CAND1: variants seen among roughly 807,000 people sequenced by gnomAD.
CAND1 encodes the protein cullin-associated NEDD8-dissociated protein 1.
In CAND1, 7 loss-of-function variants were observed where a neutral mutation model predicts 108.5. That is an observed-to-expected ratio of 0.06 (90% confidence interval 0.04 to 0.12). The LOEUF (loss-of-function observed/expected upper bound fraction) is 0.12. Ranked by LOEUF, CAND1 falls within the 10% of genes least tolerant of loss-of-function variation. The pLI is 1.00. For synonymous variants in CAND1, 534 were observed against 512.0 expected (o/e 1.04, Z -0.58); for missense variants, 941 against 1,448.7 (o/e 0.65, Z 5.69).
chr12:67,311,808 A>G lies in CAND1; in HGVS notation c.3468+8A>G. 1.3e-6 allele frequency: 2 copies of G among 1,531,268 alleles called. No individual in the cohort carries two copies. The allele number at this position is 1,531,268 out of a possible 1,614,324, so 94.9% of individuals were successfully genotyped here. On this transcript the variant is annotated splice_region_variant and intron_variant, in intron 14 of 14. Transcript: ENST00000545606. ...GCAACATGTACAACTAAGGTAAGAAATGATAAGTATCAACCTAGGTCAGAC... is the reference window on the plus strand; with the variant it reads ...GCAACATGTACAACTAAGGTAAGAAGTGATAAGTATCAACCTAGGTCAGAC...
intron 1 of CAND1, among the ~76,000 whole-genome samples, chr12:67,277,673 A>C (rs905681568): frequency 1.3e-5 from 2 of 152,214 alleles, no homozygotes; most frequent in African/African-American, 4.8e-5. Flanking sequence ...GGATTACTCA[A>C]AATTTTCACC....
rs17854617 is a variant in CAND1 at position 67,306,344 on chromosome 12, G to A, written c.2676G>A (p.Leu892=). The A allele has an allele frequency of 3.1e-3, 5,026 of 1,614,108 alleles. 114 individuals carry two copies. In the African/African-American group the frequency reaches 0.055, roughly 18 times the overall value. ...GTGTGGGCAACCTTCCTGAATATCT[G>A]CCGTTTGTCCTGCAAGAAATAACTA... ...SISVGNLPEY[L]PFVLQEITSQ... The change falls in exon 10 of 15, where the codon CTG becomes CTA. Residue 892 remains leucine (L), a synonymous_variant. Coordinates refer to ENST00000545606, the MANE Select transcript of CAND1 (RefSeq NM_018448.5).
intron 1 of CAND1, 43 bp downstream of exon 1, chr12:67,269,828 C>G (rs560619958): frequency 1.3e-6 from 2 of 1,550,100 alleles, no homozygotes; most frequent in East Asian, 2.4e-5. Flanking sequence ...GGGGTTCTCG[C>G]AGCCGCGGCC....
At chr12:67,289,287 C>A (rs2044700634) in intron 2 of CAND1, among the ~76,000 whole-genome samples, 1 of 152,088 alleles carries the variant, frequency 6.6e-6, no homozygotes, top group Non-Finnish European at 1.5e-5. Flanking sequence ...GGCGCCATCT[C>A]AGCTAACCAC....
intron 11 of CAND1, among the ~76,000 whole-genome samples, chr12:67,308,705 A>G (rs750297044): frequency 2.0e-5 from 3 of 152,050 alleles, no homozygotes; most frequent in Non-Finnish European, 2.9e-5. Flanking sequence ...GAAAGCGGAT[A>G]TATACTCTAT....
In CAND1 at chr12:67,307,428, G is replaced by A. The variant is rs145306554; in HGVS notation, c.2961G>A (p.Thr987=). 5.0e-6 allele frequency: 8 copies of A among 1,611,044 alleles called. No homozygotes were observed. The highest frequency in any genetic ancestry group is 3.3e-5 in the Admixed American group (2 of 59,820). The change falls in exon 11 of 15, where the codon ACG becomes ACA. Residue 987 remains threonine (T), a synonymous_variant. Coordinates refer to ENST00000545606, the MANE Select transcript of CAND1 (RefSeq NM_018448.5). The stretch of plus-strand genomic sequence containing the variant: ...CATATGCCCGAAGCTCAGTGGTTAC[G>A]GCTGTGAAATTTACAATTTCTGACC... The part of the protein sequence containing the change: ...GSSYARSSVV[T]AVKFTISDHP...
chr12:67,272,267 G>A (rs1269466231), intron 1 of CAND1, among the ~76,000 whole-genome samples: 2 of 152,190 alleles, frequency 1.3e-5, no homozygotes, highest in African/African-American at 4.8e-5. Context: ...ATTTGACCTA[G>A]TCACAAGATC....
At chr12:67,272,675 T>TTTG (rs1050649018) in intron 1 of CAND1, among the ~76,000 whole-genome samples, 1 of 151,976 alleles carries the variant, frequency 6.6e-6, no homozygotes, top group East Asian at 1.9e-4. Context: ...ATGCAGGGTT[T>TTTG]TTGTTGTTGT....
At position 67,315,654 on chromosome 12, in the gene CAND1, A is replaced by G. The variant is rs1226693173; in HGVS notation, c.*2824A>G. The G allele has an allele frequency of 3.3e-5, 5 of 150,228 alleles. No individual in the cohort carries two copies. The allele number at this position is 150,228 out of a possible 1,614,324, so 9.3% of individuals were successfully genotyped here. A position where few individuals can be genotyped will look rare whatever the true frequency, so the allele number is the denominator to read the frequency against. ...TATGATGATTTCATCAAATGTTTGA[A>G]TATTTACATAATTTTTATGTAACCA... On this transcript the variant is annotated 3_prime_UTR_variant, in exon 15 of 15. Transcript: ENST00000545606.
intron 10 of CAND1, among the ~76,000 whole-genome samples, 177 bp downstream of exon 10, chr12:67,306,774 T>G (rs1354099005): frequency 6.6e-6 from 1 of 152,154 alleles, no homozygotes; most frequent in Non-Finnish European, 1.5e-5. Flanking sequence ...CATTTTGTTG[T>G]TTTAAAGGAT....
chr12:67,306,767 TTTG>T (rs2044890853), intron 10 of CAND1, among the ~76,000 whole-genome samples, 170 bp downstream of exon 10: 1 of 152,122 alleles, frequency 6.6e-6, no homozygotes, highest in Admixed American at 6.6e-5. Context: ...CAAATGACAT[TTTG>T]TTGTTTTAAA....
intron 2 of CAND1, among the ~76,000 whole-genome samples, chr12:67,284,012 A>G (rs2044644801): frequency 6.6e-6 from 1 of 152,216 alleles, no homozygotes; most frequent in African/African-American, 2.4e-5. Flanking sequence ...TAGATTATTA[A>G]GCAGCCATAT....
chr12:67,311,186 G>A (rs1443062732), intron 13 of CAND1: 1 of 151,726 alleles, frequency 6.6e-6, no homozygotes, highest in Non-Finnish European at 1.5e-5. Context: ...AGAAGTAAAA[G>A]GATGTGCTTG....
In CAND1 at chr12:67,317,169, ACT is replaced by A. The variant is rs2045014833; in HGVS notation, c.*4342_*4343del. 1 of 152,156 alleles carries A rather than the reference ACT, an allele frequency of 6.6e-6. No homozygotes were observed. Among genetic ancestry groups the A allele is most frequent in the Admixed American group, 6.5e-5 (1 of 15,270 alleles). The allele number at this position is 152,156 out of a possible 1,614,324, so 9.4% of individuals were successfully genotyped here. On this transcript the variant is annotated 3_prime_UTR_variant, in exon 15 of 15. Transcript: ENST00000545606. ...GTTTTTGTGTTTAAGACAAGGTCTC[ACT>A]CTGTTGCCTGGACTGGAGTACATAG... is the stretch of plus-strand genomic sequence containing the variant.
intron 8 of CAND1, among the ~76,000 whole-genome samples, chr12:67,303,583 A>T (rs2044847421): frequency 6.6e-6 from 1 of 152,194 alleles, no homozygotes; most frequent in South Asian, 2.1e-4. Flanking sequence ...TTGTGTAATT[A>T]GGGTATGTGT....
intron 2 of CAND1, among the ~76,000 whole-genome samples, chr12:67,288,108 A>G (rs553399664): frequency 2.7e-4 from 40 of 147,818 alleles, no homozygotes; most frequent in African/African-American, 8.4e-4. Flanking sequence ...AAGGTATTTG[A>G]TAGTGTTCAG....
At chr12:67,271,278 A>G (rs1423916857) in intron 1 of CAND1, among the ~76,000 whole-genome samples, 1 of 152,160 alleles carries the variant, frequency 6.6e-6, no homozygotes, top group Non-Finnish European at 1.5e-5. Flanking sequence ...TGTTTTACGG[A>G]TTGGAATGCC....
Position 67,305,279 on chromosome 12 carries a change from T to A in CAND1, c.1611T>A (p.Ser537=), listed in dbSNP as rs1318483374. The change falls in exon 10 of 15, where the codon TCT becomes TCA. Residue 537 remains serine, a synonymous_variant. Coordinates refer to ENST00000545606, the MANE Select transcript of CAND1 (RefSeq NM_018448.5). The surrounding 1 kb of genome is among the most constrained non-coding windows in gnomAD (Gnocchi z 4.4). Reference sequence around the variant, plus strand: ...GAGACCCATTTTACAAAATTACATCTGAAGCACTTCTTGTTACTCAACAGC... The same window carrying A: ...GAGACCCATTTTACAAAATTACATCAGAAGCACTTCTTGTTACTCAACAGC... ...CVGDPFYKIT[S]EALLVTQQLV... 1 of 1,614,194 alleles carries A rather than the reference T, an allele frequency of 6.2e-7. No homozygotes were observed. The highest frequency in any genetic ancestry group is 1.1e-5 in the South Asian group (1 of 91,082).
intron 13 of CAND1, 117 bp downstream of exon 13, chr12:67,310,433 G>A: frequency 1.4e-6 from 1 of 715,944 alleles, no homozygotes; most frequent in South Asian, 2.0e-5. Context: ...TGAAGATTTT[G>A]ATAAGCATAT....
Sources: allele counts gnomAD v4.1 joint callset (sites outside exome capture counted in the v4.1 genomes callset), GRCh38; gene constraint gnomAD v4.1.1; non-coding constraint Gnocchi (gnomAD v3.1); transcripts MANE v1.5; gene names NCBI Gene and HGNC (gene_info 2026-07-23, HGNC 2026-07-21).